MARCHF1: variants seen among roughly 807,000 people sequenced by gnomAD.
MARCHF1 encodes the protein E3 ubiquitin-protein ligase MARCHF1.
Under a neutral mutation model 54.2 loss-of-function variants are expected in MARCHF1, and 40 were observed. The ratio of observed to expected loss-of-function variants is 0.74; its 90% CI spans 0.57 to 0.96. The LOEUF (loss-of-function observed/expected upper bound fraction) is 0.96, where lower values mean the gene tolerates loss of function less well. Ranked by LOEUF, MARCHF1 falls within the 40% of genes least tolerant of loss-of-function variation. The pLI is 0.00. For missense variants in MARCHF1, 586 were observed against 656.5 expected (o/e 0.89, Z 1.17); for synonymous variants, 236 against 236.3 (o/e 1.00, Z 0.01).
chr4:163,844,032 C>T (rs1749417221), intron 4 of MARCHF1, among the ~76,000 whole-genome samples: 1 of 151,846 alleles, frequency 6.6e-6, no homozygotes, highest in South Asian at 2.1e-4. Context: ...TGTTACATAG[C>T]TACACTTGTA....
intron 1 of MARCHF1, among the ~76,000 whole-genome samples, chr4:164,182,529 A>G (rs996539708): frequency 6.6e-6 from 1 of 151,696 alleles, no homozygotes; most frequent in Non-Finnish European, 1.5e-5. Flanking sequence ...CCTTCCTTCC[A>G]TCCTTCCTTC....
chr4:163,761,923 G>T (rs1028542107), intron 4 of MARCHF1, among the ~76,000 whole-genome samples: 8 of 152,110 alleles, frequency 5.3e-5, no homozygotes, highest in Non-Finnish European at 1.0e-4. Flanking sequence ...AACTGATAAA[G>T]CCTTTATGTC....
chr4:164,176,119 T>C (rs922445378), intron 1 of MARCHF1, among the ~76,000 whole-genome samples: 1 of 152,154 alleles, frequency 6.6e-6, no homozygotes, highest in African/African-American at 2.4e-5. Flanking sequence ...GACCTTTGAA[T>C]ATCAAAAGGT....
intron 4 of MARCHF1, among the ~76,000 whole-genome samples, chr4:163,832,533 T>C (rs920571823): frequency 1.3e-5 from 2 of 151,850 alleles, no homozygotes; most frequent in African/African-American, 2.4e-5. Context: ...CTCTAAAAAC[T>C]TGACAAATTA....
intron 4 of MARCHF1, among the ~76,000 whole-genome samples, chr4:163,846,247 CT>C (rs1221595176): frequency 2.0e-5 from 3 of 152,162 alleles, no homozygotes; most frequent in East Asian, 1.9e-4. Context: ...ATTAAGGCCA[CT>C]GTATAATAAA....
chr4:164,057,663 G>T (rs1754522421), intron 2 of MARCHF1, among the ~76,000 whole-genome samples: 2 of 152,108 alleles, frequency 1.3e-5, no homozygotes, highest in Admixed American at 6.5e-5. Context: ...AAAATAGAAA[G>T]CATGGGCTAA....
chr4:163,587,053 A>T (rs1740434928), intron 7 of MARCHF1, among the ~76,000 whole-genome samples: 1 of 152,232 alleles, frequency 6.6e-6, no homozygotes, highest in African/African-American at 2.4e-5. Flanking sequence ...TAATAAATAC[A>T]TCTACCAATG....
chr4:164,029,635 C>T (rs1753837261), intron 2 of MARCHF1, among the ~76,000 whole-genome samples: 1 of 152,020 alleles, frequency 6.6e-6, no homozygotes, highest in African/African-American at 2.4e-5. Context: ...TGCTCTGTCA[C>T]CCAGGCTGCA....
intron 1 of MARCHF1, among the ~76,000 whole-genome samples, chr4:164,242,761 A>G (rs141653215): frequency 0.036 from 5,554 of 152,268 alleles, 244 homozygotes; most frequent in African/African-American, 0.1. Context: ...AACTAGAATA[A>G]CCAATACAGA....
intron 2 of MARCHF1, among the ~76,000 whole-genome samples, chr4:164,059,806 T>G (rs1560885058): frequency 6.6e-6 from 1 of 152,204 alleles, no homozygotes; most frequent in Non-Finnish European, 1.5e-5. Context: ...TGACATTTTA[T>G]ACTTGTTTGA....
intron 5 of MARCHF1, among the ~76,000 whole-genome samples, chr4:163,653,603 T>C (rs894329847): frequency 7.3e-5 from 11 of 151,546 alleles, no homozygotes; most frequent in Non-Finnish European, 1.5e-4. Flanking sequence ...AAGGACAAGT[T>C]TATGTAATTT....
At chr4:163,707,109 T>A (rs1239216033) in intron 4 of MARCHF1, among the ~76,000 whole-genome samples, 1 of 152,052 alleles carries the variant, frequency 6.6e-6, no homozygotes, top group Non-Finnish European at 1.5e-5. Flanking sequence ...TGGAACAATG[T>A]CTTAAATGTT....
At chr4:164,146,977 G>A (rs1280238513) in intron 1 of MARCHF1, among the ~76,000 whole-genome samples, 1 of 150,674 alleles carries the variant, frequency 6.6e-6, no homozygotes, top group Non-Finnish European at 1.5e-5. Flanking sequence ...AAATTTACAA[G>A]AAAAAAACAA....
intron 2 of MARCHF1, among the ~76,000 whole-genome samples, chr4:164,083,453 G>T (rs1395304566): frequency 6.6e-6 from 1 of 152,022 alleles, no homozygotes; most frequent in Non-Finnish European, 1.5e-5. Context: ...TGGCTCATAA[G>T]GAAGCAACAT....
intron 1 of MARCHF1, among the ~76,000 whole-genome samples, chr4:164,150,761 A>G (rs142106725): frequency 2.6e-5 from 4 of 152,232 alleles, no homozygotes; most frequent in Admixed American, 1.3e-4. Flanking sequence ...TAAAGAAAAT[A>G]TATCTGTAGA....
chr4:163,665,934 A>G (rs1743517407), intron 5 of MARCHF1, among the ~76,000 whole-genome samples: 1 of 152,178 alleles, frequency 6.6e-6, no homozygotes, highest in African/African-American at 2.4e-5. Context: ...TACTGTACCC[A>G]GTGGGTTACA....
At chr4:163,552,043 G>A (rs533936422) in intron 8 of MARCHF1, among the ~76,000 whole-genome samples, 3 of 152,262 alleles carry the variant, frequency 2.0e-5, no homozygotes, top group Non-Finnish European at 4.4e-5. Context: ...AGCCATAAAT[G>A]CTCTGTGAGT....
At chr4:163,704,029 T>C (rs909347563) in intron 4 of MARCHF1, among the ~76,000 whole-genome samples, 1 of 151,864 alleles carries the variant, frequency 6.6e-6, no homozygotes, top group Non-Finnish European at 1.5e-5. Flanking sequence ...TGACTGGACA[T>C]GTGTGAATCT....
At chr4:163,613,675 T>A in intron 5 of MARCHF1, 1 of 1,295,796 alleles carries the variant, frequency 7.7e-7, no homozygotes, top group Non-Finnish European at 1.0e-6. Context: ...CTGTAATCAT[T>A]TGAGTGGAAT....
Sources: gnomAD v4.1 joint callset for allele counts (sites outside exome capture counted in the v4.1 genomes callset) on GRCh38, gnomAD v4.1.1 for gene constraint, MANE v1.5 for transcripts, NCBI Gene and HGNC (gene_info 2026-07-23, HGNC 2026-07-21) for gene names.